The following NOL6 variants were observed in gnomAD, a reference collection of about 807,000 sequenced individuals.
The protein encoded by NOL6 is nucleolar protein 6, also known as nucleolar RNA-associated protein.
Under a neutral mutation model 131.7 loss-of-function variants are expected in NOL6, and 33 were observed. That is an observed-to-expected ratio of 0.25 (90% CI 0.19 to 0.33). The LOEUF is 0.33. Among genes scored for constraint, NOL6 ranks in the 10% least tolerant of loss-of-function variants. The pLI, the probability that NOL6 is intolerant of heterozygous loss-of-function variation, is 1.00. For synonymous variants in NOL6, 580 were observed against 605.7 expected, an observed-to-expected ratio of 0.96 and a Z score of 0.62; for missense variants, 1,297 against 1,494.5, an observed-to-expected ratio of 0.87 and a Z score of 2.18.
Position 33,467,506 on chromosome 9 carries a change from C to T in NOL6, c.1613G>A (p.Ser538Asn). ...GTCTTTGTGCTTTGGTGGATCTTGG[C>T]TGATGTCCCACTGCAGGATTTCAAA... ...SRPPVPEWDI[S>N]QDPPKHKDSG... is the part of the protein sequence containing the mutation. Residue 538 changes from serine to asparagine, a missense_variant, in exon 13 of 26, where the codon AGC becomes AAC. By Grantham distance (46) the Ser-to-Asn change is conservative. Transcript: ENST00000297990. This position sits in a 1 kb window ranked among gnomAD's most constrained non-coding sequence, Gnocchi z 4.4. The T allele has an allele frequency of 6.2e-7, 1 of 1,614,168 alleles. No homozygotes were observed. The highest frequency in any genetic ancestry group is 8.5e-7 in the Non-Finnish European group (1 of 1,180,018).
Position 33,469,737 on chromosome 9 carries a change from C to T in NOL6, c.559-70G>A, listed in dbSNP as rs1253099308. 6 of 1,559,068 alleles carry T rather than the reference C, an allele frequency of 3.8e-6. No individual in the cohort carries two copies. In the African/African-American group the frequency reaches 6.9e-5, roughly 18 times the overall value. On this transcript the variant is annotated intron_variant, in intron 4 of 25. Coordinates refer to ENST00000297990, the MANE Select transcript of NOL6 (RefSeq NM_022917.5). ...TGTGGAGCTGTGGGCCAAGGTGAAA[C>T]CAAGGTGAGAGAGCCAGGGCTCCTC...
rs760737701 is a variant in NOL6 at position 33,468,128 on chromosome 9, C to T, written c.1326G>A (p.Arg442=). The change falls in exon 11 of 26, where the codon CGG becomes CGA. Residue 442 remains arginine (R), a synonymous_variant. Coordinates refer to ENST00000297990, the MANE Select transcript of NOL6 (RefSeq NM_022917.5). ...STYHQVQHEA[R]LSMMLLDSRA... is the part of the protein sequence containing the mutation. ...TGCTGTCCAGCAACATCATAGACAG[C>T]CGTGCCTCATGCTGTACCTGGAGCC... 1.4e-5 allele frequency: 23 copies of T among 1,614,088 alleles called. No individual in the cohort carries two copies. The highest frequency in any genetic ancestry group is 1.8e-5 in the Non-Finnish European group (21 of 1,180,048).
In NOL6 at chr9:33,467,279, GGT is replaced by G; in HGVS notation, c.1726-19_1726-18del. Reference sequence around the variant, plus strand: ...TTTAGCAGCCTGAGGAGGCAAGGGTGGTAGTAGAGCTGGGGAAGGAAGGGCTC... The same window carrying G: ...TTTAGCAGCCTGAGGAGGCAAGGGTGAGTAGAGCTGGGGAAGGAAGGGCTC... On this transcript the variant is annotated intron_variant, in intron 13 of 25. Transcript: ENST00000297990. The surrounding 1 kb of genome is among the most constrained non-coding windows in gnomAD (Gnocchi z 4.4). The G allele has an allele frequency of 6.2e-7, 1 of 1,613,458 alleles. No individual in the cohort carries two copies. The highest frequency in any genetic ancestry group is 1.7e-5 in the Admixed American group (1 of 59,990).
chr9:33,464,015 G>C lies in NOL6; in HGVS notation c.2904+22C>G, dbSNP rs747496263. 3 of 1,612,780 alleles carry C rather than the reference G, an allele frequency of 1.9e-6. No individual in the cohort carries two copies. The East Asian group carries it at 6.7e-5, about 36-fold the overall frequency. On this transcript the variant is annotated intron_variant, in intron 22 of 25. Coordinates refer to ENST00000297990, the MANE Select transcript of NOL6 (RefSeq NM_022917.5). The stretch of plus-strand genomic sequence containing the variant: ...TCCTTGGGAAGAAAACCACACATTA[G>C]GGGGCAGGTATGGGGTTGAACCTGG...
chr9:33,462,852 A>G (rs370632970), intron 25 of NOL6, 39 bp from the exon 26 acceptor site: 2 of 1,611,384 alleles, frequency 1.2e-6, no homozygotes, highest in Non-Finnish European at 1.7e-6. Context: ...TGAGTGTCAC[A>G]GCGGCACACC....
Position 33,468,882 on chromosome 9 carries a change from A to G in NOL6, c.1027-10T>C, listed in dbSNP as rs1587223041. Reference sequence around the variant, plus strand: ...TAAACCCACCCTGGCCCTGAAAGAGACAGGGAGAGGCTGAGGTCAGAGCCT... The same window carrying G: ...TAAACCCACCCTGGCCCTGAAAGAGGCAGGGAGAGGCTGAGGTCAGAGCCT... On this transcript the variant is annotated splice_polypyrimidine_tract_variant and intron_variant, in intron 7 of 25. Coordinates refer to ENST00000297990, the MANE Select transcript of NOL6 (RefSeq NM_022917.5). 1 of 1,614,142 alleles carries G rather than the reference A, an allele frequency of 6.2e-7. No individual in the cohort carries two copies.
Position 33,468,828 on chromosome 9 carries a change from G to A in NOL6, c.1071C>T (p.Val357=), listed in dbSNP as rs766507506. 9.3e-6 allele frequency: 15 copies of A among 1,614,028 alleles called. No homozygotes were observed. In the Admixed American group the frequency reaches 2.5e-4, roughly 27 times the overall value. ...FTGFLVSMLV[V]FLVSTRKIHT... ...GGATCTTGCGTGTAGACACAAGGAA[G>A]ACAACCAGCATGGAGACAAGGAACC... Residue 357 remains valine (V), a synonymous_variant, in exon 8 of 26, where the codon GTC becomes GTT. Transcript: ENST00000297990.
chr9:33,469,697 A>G, intron 4 of NOL6, 30 bp from the exon 5 acceptor site: 3 of 1,593,926 alleles, frequency 1.9e-6, no homozygotes, highest in Non-Finnish European at 2.6e-6. Flanking sequence ...AGAGAAGGCC[A>G]GGCACATAAG....
At position 33,462,091 on chromosome 9, in the gene NOL6, G is replaced by A. The variant is rs1346099237; in HGVS notation, c.*573C>T. 5.6e-6 allele frequency: 4 copies of A among 714,700 alleles called. No homozygotes were observed. Among genetic ancestry groups the A allele is most frequent in the Admixed American group, 2.0e-5 (1 of 49,940 alleles). 44.3% of individuals were successfully genotyped at this position (714,700 alleles called of 1,614,324 possible). A position where few individuals can be genotyped will look rare whatever the true frequency, so the allele number is the denominator to read the frequency against. ...TTCCACTGTCTCCACCCTGGGAAGT[G>A]GCATCAACACAGGAGGGCATTGTGC... is the stretch of plus-strand genomic sequence containing the variant. On this transcript the variant is annotated 3_prime_UTR_variant, in exon 26 of 26. Transcript: ENST00000297990.
In NOL6 at chr9:33,467,490, C is replaced by T. The variant is rs746817785; in HGVS notation, c.1629G>A (p.Lys543=). Residue 543 remains lysine (K), a synonymous_variant, in exon 13 of 26, where the codon AAG becomes AAA. Coordinates refer to ENST00000297990, the MANE Select transcript of NOL6 (RefSeq NM_022917.5). The surrounding 1 kb of genome is among the most constrained non-coding windows in gnomAD (Gnocchi z 4.4). ...PEWDISQDPP[K]HKDSGTLTLG... ...GGGTCAGGGTCCCAGAGTCTTTGTG[C>T]TTTGGTGGATCTTGGCTGATGTCCC... The T allele has an allele frequency of 1.2e-6, 2 of 1,614,234 alleles. No individual in the cohort carries two copies. Among genetic ancestry groups the T allele is most frequent in the East Asian group, 4.5e-5 (2 of 44,884 alleles).
rs758466201 is a variant in NOL6 at position 33,467,486 on chromosome 9, T to C, written c.1633A>G (p.Lys545Glu). The C allele has an allele frequency of 6.2e-7, 1 of 1,614,200 alleles. No individual in the cohort carries two copies. The highest frequency in any genetic ancestry group is 1.7e-5 in the Admixed American group (1 of 60,024). The change falls in exon 13 of 26, where the codon AAA becomes GAA. Residue 545 changes from lysine to glutamate, a missense_variant. Lys to Glu is a moderately conservative substitution (Grantham distance 56). Transcript: ENST00000297990. The surrounding 1 kb of genome is among the most constrained non-coding windows in gnomAD (Gnocchi z 4.4). ...WDISQDPPKH[K>E]DSGTLTLGLL... ...CCCAGGGTCAGGGTCCCAGAGTCTT[T>C]GTGCTTTGGTGGATCTTGGCTGATG...
In NOL6 at chr9:33,463,253, C is replaced by T; in HGVS notation, c.3183G>A (p.Gln1061=). 6.2e-7 allele frequency: 1 copy of T among 1,613,352 alleles called. No individual in the cohort carries two copies. The highest frequency in any genetic ancestry group is 8.5e-7 in the Non-Finnish European group (1 of 1,179,422). Residue 1061 remains glutamine (Q), a synonymous_variant, in exon 24 of 26, where the codon CAG becomes CAA. Coordinates refer to ENST00000297990, the MANE Select transcript of NOL6 (RefSeq NM_022917.5). The part of the protein sequence containing the change: ...GYDPPQLYLT[Q]LREAFGDLAL... ...TCAGCTGTTTAGGACCAACCCTGAG[C>T]TGCGTCAGATAGAGCTGAGGAGGAT...
In NOL6 at chr9:33,467,056, C is replaced by T. The variant is rs990041094; in HGVS notation, c.1874+58G>A. The T allele has an allele frequency of 1.1e-5, 17 of 1,613,236 alleles. No individual in the cohort carries two copies. The African/African-American group carries it at 2.1e-4, about 20-fold the overall frequency. The stretch of plus-strand genomic sequence containing the variant: ...TTCTCGCTCAACTGCCTGGGCCAGA[C>T]CCCTGAAAAGGCTCCCCAGCCCACA... On this transcript the variant is annotated intron_variant, in intron 14 of 25. Coordinates refer to ENST00000297990, the MANE Select transcript of NOL6 (RefSeq NM_022917.5). This position sits in a 1 kb window ranked among gnomAD's most constrained non-coding sequence, Gnocchi z 4.4.
In NOL6 at chr9:33,470,046, T is replaced by C; in HGVS notation, c.524A>G (p.Asp175Gly). 6.2e-7 allele frequency: 1 copy of C among 1,610,306 alleles called. No individual in the cohort carries two copies. The highest frequency in any genetic ancestry group is 8.5e-7 in the Non-Finnish European group (1 of 1,177,746). ...SYLLGTCIRP[D>G]INVDVALTMP... Reference sequence around the variant, plus strand: ...GGTCAGTGCCACATCCACATTGATGTCTGGTCGGATGCAGGTGCCCAGAAG... The same window carrying C: ...GGTCAGTGCCACATCCACATTGATGCCTGGTCGGATGCAGGTGCCCAGAAG... Residue 175 changes from aspartate (D) to glycine (G), a missense_variant, in exon 4 of 26, where the codon GAC becomes GGC. Transcript: ENST00000297990.
Position 33,469,481 on chromosome 9 carries a change from C to A in NOL6, c.727+18G>T. ...TACCATCCCATGCTATGCCCTCAGC[C>A]CAATGTGTGCCTCTCACCACGCGGC... On this transcript the variant is annotated intron_variant, in intron 5 of 25. Transcript: ENST00000297990. The A allele has an allele frequency of 1.3e-6, 2 of 1,596,996 alleles. No homozygotes were observed. The highest frequency in any genetic ancestry group is 1.7e-6 in the Non-Finnish European group (2 of 1,171,830).
chr9:33,463,370 G>T lies in NOL6; in HGVS notation c.3066C>A (p.His1022Gln). 1 of 1,614,088 alleles carries T rather than the reference G, an allele frequency of 6.2e-7. No individual in the cohort carries two copies. The part of the protein sequence containing the change: ...IRLSPRHIPR[H>Q]RQAVDSPAAS... ...CAGCTGGCGAGTCCACAGCCTGGCG[G>T]TGCCGCGGGATATGGCGAGGAGACA... The change falls in exon 24 of 26, where the codon CAC (histidine) becomes CAA (glutamine). Residue 1022 changes from histidine (H) to glutamine (Q), a missense_variant. Physicochemically the swap from His to Gln is conservative, Grantham distance 24. Coordinates refer to ENST00000297990, the MANE Select transcript of NOL6 (RefSeq NM_022917.5).
In NOL6 at chr9:33,467,333, T is replaced by C; in HGVS notation, c.1725+61A>G. 2 of 1,610,484 alleles carry C rather than the reference T, an allele frequency of 1.2e-6. No homozygotes were observed. The highest frequency in any genetic ancestry group is 3.3e-5 in the Admixed American group (2 of 59,946). ...GTGGACCCTCCCCAACAAGCTTCAG[T>C]CCAGGTGCCATGAGGACGAGCCACC... On this transcript the variant is annotated intron_variant, in intron 13 of 25. Transcript: ENST00000297990. The surrounding 1 kb of genome is among the most constrained non-coding windows in gnomAD (Gnocchi z 4.4).
intron 18 of NOL6, 72 bp from the exon 19 acceptor site, chr9:33,465,969 C>A: frequency 6.3e-7 from 1 of 1,577,244 alleles, no homozygotes; most frequent in Non-Finnish European, 8.6e-7. Context: ...TGGCCTACAG[C>A]CCTATTACCC....
chr9:33,465,451 G>T, intron 19 of NOL6, 92 bp from the exon 20 acceptor site: 1 of 1,337,030 alleles, frequency 7.5e-7, no homozygotes, highest in Non-Finnish European at 1.0e-6. Flanking sequence ...GTGATAATAG[G>T]TTACATATGT....
Sources: allele counts gnomAD v4.1 joint callset, GRCh38; gene constraint gnomAD v4.1.1; non-coding constraint Gnocchi (gnomAD v3.1); transcripts MANE v1.5; gene names NCBI Gene and HGNC (gene_info 2026-07-23, HGNC 2026-07-21).